The following TBXAS1 variants were observed in gnomAD, a reference collection of about 807,000 sequenced individuals.
TBXAS1 encodes the protein thromboxane A synthase 1.
A neutral mutation model predicts 60.7 loss-of-function variants in TBXAS1; 48 were observed. The ratio of observed to expected loss-of-function variants is 0.79; its 90% confidence interval spans 0.63 to 1.01. TBXAS1 has a LOEUF of 1.01. Among genes scored for constraint, TBXAS1 ranks in the 50% least tolerant of loss-of-function variants. TBXAS1 has a pLI of 0.00. For synonymous variants in TBXAS1, 287 were observed against 269.7 expected, an observed-to-expected ratio of 1.06 and a Z score of -0.63; for missense variants, 685 against 686.3, an observed-to-expected ratio of 1.00 and a Z score of 0.02.
intron 4 of TBXAS1, among the ~76,000 whole-genome samples, chr7:139,802,793 G>T (rs573204219): frequency 6.6e-6 from 1 of 151,524 alleles, no homozygotes; most frequent in East Asian, 1.9e-4. Flanking sequence ...CAAAAGAAAA[G>T]AAGAAGAAGA....
At chr7:139,784,011 G>GTTTT (rs11340240) in intron 3 of TBXAS1, among the ~76,000 whole-genome samples, 4 of 132,068 alleles carry the variant, frequency 3.0e-5, no homozygotes, top group Admixed American at 7.8e-5. Context: ...AGTTTTTTTT[G>GTTTT]TTTTTTTTTT....
intron 4 of TBXAS1, among the ~76,000 whole-genome samples, chr7:139,922,689 AG>A (rs2117112257): frequency 6.6e-6 from 1 of 152,352 alleles, no homozygotes; most frequent in South Asian, 2.1e-4. Flanking sequence ...ATTCTCTTTA[AG>A]AACTCTTGCC....
rs549866893 is a variant in TBXAS1 at position 139,930,310 on chromosome 7, G to A, written c.334-5881G>A. On this transcript the variant is annotated intron_variant, in intron 4 of 12. Transcript: ENST00000448866. ...AATGCAAGCTCTGTGAGGACACGGA[G>A]CTTCATTTTGTTCACAGAGGTATCC... 1.2e-3 allele frequency among the ~76,000 whole-genome samples: 190 copies of A among 152,346 alleles called. 2 individuals are homozygous for A. The Middle Eastern group carries it at 0.014, about 11-fold the overall frequency.
chr7:139,952,855 T>C (rs1436057232), intron 5 of TBXAS1, among the ~76,000 whole-genome samples: 1 of 152,242 alleles, frequency 6.6e-6, no homozygotes, highest in Non-Finnish European at 1.5e-5. Flanking sequence ...GAATGCTCTA[T>C]AAATAATTTC....
chr7:139,824,729 T>C (rs1451237939), upstream of TBXAS1, among the ~76,000 whole-genome samples: 1 of 152,172 alleles, frequency 6.6e-6, no homozygotes, highest in African/African-American at 2.4e-5. Flanking sequence ...AGGAATTAAT[T>C]TGTGACCAGA....
chr7:139,941,083 C>T (rs1229209694), intron 5 of TBXAS1, among the ~76,000 whole-genome samples: 1 of 152,194 alleles, frequency 6.6e-6, no homozygotes, highest in African/African-American at 2.4e-5. Flanking sequence ...GCCACAGATA[C>T]TCGGCTGTGG....
intron 4 of TBXAS1, among the ~76,000 whole-genome samples, chr7:139,791,009 G>T (rs747141067): frequency 6.6e-6 from 1 of 152,176 alleles, no homozygotes; most frequent in Non-Finnish European, 1.5e-5. Context: ...TCACCATGTT[G>T]TCCATGCTGG....
chr7:139,799,985 A>T lies in TBXAS1; in HGVS notation c.-80+12559A>T, dbSNP rs183743879. On this transcript the variant is annotated intron_variant, in intron 4 of 16. Transcript: ENST00000336425. ...TTCCACTTCTAGGTTCCAAGCCAGA[A>T]ATGTGTGGATCATTCTGTCTTCCCT... 2.0e-5 allele frequency among the ~76,000 whole-genome samples: 3 copies of T among 152,296 alleles called. No homozygotes were observed. The East Asian group carries it at 5.8e-4, about 29-fold the overall frequency.
At chr7:139,865,636 G>T (rs1801305135) in intron 1 of TBXAS1, among the ~76,000 whole-genome samples, 1 of 99,964 alleles carries the variant, frequency 1.0e-5, no homozygotes, top group African/African-American at 3.8e-5. Context: ...GGAGGAGGAA[G>T]AGGAGGAGGA....
chr7:139,919,968 T>C (rs1048878595), intron 4 of TBXAS1, among the ~76,000 whole-genome samples: 1 of 152,224 alleles, frequency 6.6e-6, no homozygotes, highest in African/African-American at 2.4e-5. Context: ...GTACAGCACC[T>C]GGCACACAGT....
At chr7:139,803,076 G>A (rs1363401159) in intron 4 of TBXAS1, among the ~76,000 whole-genome samples, 1 of 152,254 alleles carries the variant, frequency 6.6e-6, no homozygotes, top group East Asian at 1.9e-4. Context: ...ACCTGAAAAT[G>A]TGGAAGTGAC....
chr7:139,927,690 G>C (rs1807001299), intron 4 of TBXAS1, among the ~76,000 whole-genome samples: 1 of 152,014 alleles, frequency 6.6e-6, no homozygotes, highest in Admixed American at 6.5e-5. Flanking sequence ...ATTTATCTTA[G>C]CAATATTTTG....
intron 4 of TBXAS1, among the ~76,000 whole-genome samples, chr7:139,932,464 T>G (rs1807413504): frequency 1.3e-5 from 2 of 152,056 alleles, no homozygotes; most frequent in African/African-American, 4.8e-5. Context: ...ACTATTGGGA[T>G]AGTTCTCCTT....
chr7:140,001,909 G>C (rs941692590), intron 9 of TBXAS1, among the ~76,000 whole-genome samples: 5 of 152,112 alleles, frequency 3.3e-5, no homozygotes, highest in African/African-American at 9.7e-5. Flanking sequence ...GGACATTGTC[G>C]CTTCCTCCTC....
chr7:139,957,757 C>A lies in TBXAS1; in HGVS notation c.812C>A (p.Ala271Asp), dbSNP rs1809989419. The A allele has an allele frequency of 6.2e-7, 1 of 1,613,966 alleles. No individual in the cohort carries two copies. The highest frequency in any genetic ancestry group is 1.7e-5 in the Admixed American group (1 of 60,002). ...ATTGCCTTGCGGGACCAGCAAGCTGCCGAAGAGGTAACGTATTTTAATAGG... is the reference window on the plus strand; with the variant it reads ...ATTGCCTTGCGGGACCAGCAAGCTGACGAAGAGGTAACGTATTTTAATAGG... ...NVIALRDQQA[A>D]EERRRDFLQM... Residue 271 changes from alanine (A) to aspartate (D), a missense_variant, in exon 8 of 13, where the codon GCC becomes GAC. Ala to Asp is a moderately radical substitution (Grantham distance 126). Coordinates refer to ENST00000448866, the MANE Select transcript of TBXAS1 (RefSeq NM_001061.7).
intron 4 of TBXAS1, among the ~76,000 whole-genome samples, chr7:139,930,655 T>C (rs938036174): frequency 6.6e-6 from 1 of 152,124 alleles, no homozygotes; most frequent in Non-Finnish European, 1.5e-5. Context: ...GTTAAGGCAC[T>C]CCTTCAGGCT....
intron 3 of TBXAS1, among the ~76,000 whole-genome samples, chr7:139,905,017 T>G (rs929714226): frequency 1.4e-5 from 1 of 70,838 alleles, no homozygotes; most frequent in Non-Finnish European, 2.6e-5. Flanking sequence ...CTTTCTTTCT[T>G]TCTTTCTTTC....
Position 139,809,681 on chromosome 7 carries a change from C to G in TBXAS1, c.-79-19631C>G, listed in dbSNP as rs73478005. Among the ~76,000 whole-genome samples the G allele has an allele frequency of 9.6e-3, 1,458 of 152,280 alleles. 18 individuals carry two copies. The highest frequency in any genetic ancestry group is 0.032 in the African/African-American group (1,339 of 41,552). Reference sequence around the variant, plus strand: ...GTTCCAGAGTCCAAAGGCCAGAGATCTTGGAATTCTGATGTCCAAGAGCAG... The same window carrying G: ...GTTCCAGAGTCCAAAGGCCAGAGATGTTGGAATTCTGATGTCCAAGAGCAG... On this transcript the variant is annotated intron_variant, in intron 4 of 16. Transcript: ENST00000336425.
chr7:139,803,220 C>T (rs1797764284), intron 4 of TBXAS1, among the ~76,000 whole-genome samples: 2 of 152,210 alleles, frequency 1.3e-5, no homozygotes, highest in East Asian at 1.9e-4. Flanking sequence ...GTGATATGGA[C>T]AATAAAGTAC....
Sources: gnomAD v4.1 joint callset for allele counts (sites outside exome capture counted in the v4.1 genomes callset) on GRCh38, gnomAD v4.1.1 for gene constraint, MANE v1.5 for transcripts, NCBI Gene and HGNC (gene_info 2026-07-23, HGNC 2026-07-21) for gene names.